Variants in HDAC1 observed in about 807,000 individuals in gnomAD.
HDAC1 encodes the protein histone deacetylase 1, also known as protein deacetylase HDAC1.
Under a neutral mutation model 65.5 loss-of-function variants are expected in HDAC1, and 18 were observed. The observed-to-expected ratio is 0.27, with a 90% CI of 0.19 to 0.41. HDAC1 has a LOEUF of 0.41. Among genes scored for constraint, HDAC1 ranks in the 10% least tolerant of loss-of-function variants. The pLI, the probability that HDAC1 is intolerant of heterozygous loss-of-function variation, is 1.00. For missense variants in HDAC1, 373 were observed against 625.2 expected (o/e 0.60, Z 4.30); for synonymous variants, 211 against 227.9 (o/e 0.93, Z 0.67).
At chr1:32,313,757 G>A (rs1235746997) in intron 2 of HDAC1, among the ~76,000 whole-genome samples, 4 of 152,066 alleles carry the variant, frequency 2.6e-5, no homozygotes, top group Non-Finnish European at 5.9e-5. Flanking sequence ...TTTTCTCCGG[G>A]TACTCCATTT....
At chr1:32,292,794 G>T (rs924489085) in intron 1 of HDAC1, among the ~76,000 whole-genome samples, 1 of 151,982 alleles carries the variant, frequency 6.6e-6, no homozygotes, top group Non-Finnish European at 1.5e-5. Flanking sequence ...GTGTTGAGGG[G>T]CTGGGGCCGT....
chr1:32,331,958 C>T lies in HDAC1; in HGVS notation c.1220-132C>T, dbSNP rs1489718837. ...GCCTGTAGGAACAGGTTAGGGAGCC[C>T]GAGTTCCTCCCTCTTCTGGTTCCCT... On this transcript the variant is annotated intron_variant, in intron 11 of 13. Coordinates refer to ENST00000373548, the MANE Select transcript of HDAC1 (RefSeq NM_004964.3). The surrounding 1 kb of genome is among the most constrained non-coding windows in gnomAD (Gnocchi z 4.2). 1.2e-5 allele frequency: 17 copies of T among 1,380,368 alleles called. No individual in the cohort carries two copies. Among genetic ancestry groups the T allele is most frequent in the South Asian group, 2.9e-5 (2 of 68,326 alleles). 85.5% of individuals were successfully genotyped at this position (1,380,368 alleles called of 1,614,324 possible).
At chr1:32,321,844 G>A (rs991367471) in intron 3 of HDAC1, among the ~76,000 whole-genome samples, 1 of 152,106 alleles carries the variant, frequency 6.6e-6, no homozygotes, top group African/African-American at 2.4e-5. Context: ...CTGTGCAGGA[G>A]GAAGTGGCCA....
At position 32,329,121 on chromosome 1, in the gene HDAC1, C is replaced by T. The variant is rs147525948; in HGVS notation, c.690C>T (p.Asp230=). The change falls in exon 7 of 14, where the codon GAC becomes GAT. Residue 230 remains aspartate (D), a synonymous_variant. Coordinates refer to ENST00000373548, the MANE Select transcript of HDAC1 (RefSeq NM_004964.3). This position sits in a 1 kb window ranked among gnomAD's most constrained non-coding sequence, Gnocchi z 4.1. ...KYYAVNYPLR[D]GIDDESYEAI... ...ATGCTGTTAACTACCCGCTCCGAGA[C>T]GGGATTGATGACGAGTCCTATGAGG... 1.6e-5 allele frequency: 25 copies of T among 1,612,906 alleles called. No homozygotes were observed. Among genetic ancestry groups the T allele is most frequent in the East Asian group, 6.7e-5 (3 of 44,860 alleles).
At position 32,327,781 on chromosome 1, in the gene HDAC1, A is replaced by G. The variant is rs1641239898; in HGVS notation, c.636+104A>G. Reference sequence around the variant, plus strand: ...AAATTGCTTCTTGCCTCTTCTGCCAATCAGAATACCACATCCCAATCTGAA... The same window carrying G: ...AAATTGCTTCTTGCCTCTTCTGCCAGTCAGAATACCACATCCCAATCTGAA... On this transcript the variant is annotated intron_variant, in intron 6 of 13. Transcript: ENST00000373548. This position sits in a 1 kb window ranked among gnomAD's most constrained non-coding sequence, Gnocchi z 6.0. 3.2e-6 allele frequency: 3 copies of G among 928,114 alleles called. No homozygotes were observed. The highest frequency in any genetic ancestry group is 1.6e-5 in the African/African-American group (1 of 61,464). 57.5% of individuals were successfully genotyped at this position (928,114 alleles called of 1,614,324 possible).
At chr1:32,332,641 G>A in intron 12 of HDAC1, 60 bp from the exon 13 acceptor site, 1 of 1,249,594 alleles carries the variant, frequency 8.0e-7, no homozygotes, top group South Asian at 1.3e-5. Context: ...GGTAAATGAA[G>A]ACCTCATGGG....
rs1199782702 is a variant in HDAC1, at chr1:32,332,752, G to A, written c.1421+3G>A. Reference sequence around the variant, plus strand: ...GAGGAGAAGCCAGAAGCCAAAGGGTGAGGAAGGAGCTGCCTGTGGCCATCT... The same window carrying A: ...GAGGAGAAGCCAGAAGCCAAAGGGTAAGGAAGGAGCTGCCTGTGGCCATCT... On this transcript the variant is annotated splice_donor_region_variant and intron_variant, in intron 13 of 13. Coordinates refer to ENST00000373548, the MANE Select transcript of HDAC1 (RefSeq NM_004964.3). 7.1e-6 allele frequency: 11 copies of A among 1,553,860 alleles called. No homozygotes were observed. The highest frequency in any genetic ancestry group is 8.7e-6 in the Non-Finnish European group (10 of 1,147,882).
intron 3 of HDAC1, among the ~76,000 whole-genome samples, chr1:32,317,249 A>C (rs1641077536): frequency 1.3e-5 from 2 of 152,180 alleles, no homozygotes; most frequent in Non-Finnish European, 2.9e-5. Context: ...TAGATGGTGT[A>C]ATCTTTGAGA....
chr1:32,295,746 G>T (rs1640760162), intron 1 of HDAC1, among the ~76,000 whole-genome samples: 1 of 152,084 alleles, frequency 6.6e-6, no homozygotes, highest in South Asian at 2.1e-4. Context: ...ATAACAATCA[G>T]CATATGGATA....
intron 3 of HDAC1, among the ~76,000 whole-genome samples, chr1:32,320,786 G>A (rs908328205): frequency 6.6e-6 from 1 of 150,696 alleles, no homozygotes; most frequent in African/African-American, 2.4e-5. Context: ...TGTAATCCCA[G>A]CTACTCGGGA....
At chr1:32,323,667 G>T (rs1641178639) in intron 3 of HDAC1, among the ~76,000 whole-genome samples, 1 of 152,100 alleles carries the variant, frequency 6.6e-6, no homozygotes, top group African/African-American at 2.4e-5. Flanking sequence ...CGAAGTGCTG[G>T]GATTACAGGT....
rs888364286 is a variant in HDAC1 at position 32,327,942 on chromosome 1, T to A, written c.636+265T>A. ...CCACAGCTGGGTTGCATCACACTAT[T>A]CTTATGTCTCATAAGCCTTGAGTTT... On this transcript the variant is annotated intron_variant, in intron 6 of 13. Coordinates refer to ENST00000373548, the MANE Select transcript of HDAC1 (RefSeq NM_004964.3). This position sits in a 1 kb window ranked among gnomAD's most constrained non-coding sequence, Gnocchi z 6.0. Among the ~76,000 whole-genome samples, 1 of 152,188 alleles carries A rather than the reference T, an allele frequency of 6.6e-6. No homozygotes were observed. The highest frequency in any genetic ancestry group is 1.5e-5 in the Non-Finnish European group (1 of 68,036).
At position 32,327,331 on chromosome 1, in the gene HDAC1, AG is replaced by A; in HGVS notation, c.495-204del. 1 of 620,226 alleles carries A rather than the reference AG, an allele frequency of 1.6e-6. No homozygotes were observed. The highest frequency in any genetic ancestry group is 2.8e-6 in the Non-Finnish European group (1 of 352,524). The allele number at this position is 620,226 out of a possible 1,614,324, so 38.4% of individuals were successfully genotyped here. A position where few individuals can be genotyped will look rare whatever the true frequency, so the allele number is the denominator to read the frequency against. On this transcript the variant is annotated intron_variant, in intron 5 of 13. Coordinates refer to ENST00000373548, the MANE Select transcript of HDAC1 (RefSeq NM_004964.3). The surrounding 1 kb of genome is among the most constrained non-coding windows in gnomAD (Gnocchi z 6.0). ...TGTGGCTGGAGTTGACCCTGGCTGT[AG>A]AGTAGGAAGATCGGACTTGGTCGGC...
intron 3 of HDAC1, 32 bp from the exon 4 acceptor site, chr1:32,324,447 T>G (rs775029252): frequency 6.7e-7 from 1 of 1,484,428 alleles, no homozygotes; most frequent in Admixed American, 1.7e-5. Context: ...AAGGAAATTG[T>G]GGAAACTAAC....
intron 2 of HDAC1, among the ~76,000 whole-genome samples, chr1:32,306,707 G>A (rs1328154884): frequency 6.6e-6 from 1 of 152,042 alleles, no homozygotes; most frequent in Non-Finnish European, 1.5e-5. Context: ...TGTTTCCTGT[G>A]TATTTTGTGA....
In HDAC1 at chr1:32,329,581, A is replaced by T. The variant is rs1226260574; in HGVS notation, c.729+421A>T. ...TTGATGTCTGCACATTAGAAGAAGT[A>T]GGGACTTACTCCAGTCTTTGCAGAC... On this transcript the variant is annotated intron_variant, in intron 7 of 13. Coordinates refer to ENST00000373548, the MANE Select transcript of HDAC1 (RefSeq NM_004964.3). The surrounding 1 kb of genome is among the most constrained non-coding windows in gnomAD (Gnocchi z 4.1). 4.7e-6 allele frequency: 1 copy of T among 212,604 alleles called. No homozygotes were observed. The highest frequency in any genetic ancestry group is 9.7e-6 in the Non-Finnish European group (1 of 103,616). 13.2% of individuals were successfully genotyped at this position (212,604 alleles called of 1,614,324 possible).
intron 1 of HDAC1, among the ~76,000 whole-genome samples, chr1:32,295,966 G>C (rs899489767): frequency 5.3e-5 from 8 of 152,064 alleles, no homozygotes; most frequent in Non-Finnish European, 8.8e-5. Context: ...GAATTCCAGG[G>C]TGGAATTCTA....
At chr1:32,314,250 G>A (rs1641028424) in intron 2 of HDAC1, among the ~76,000 whole-genome samples, 1 of 152,104 alleles carries the variant, frequency 6.6e-6, no homozygotes, top group Non-Finnish European at 1.5e-5. Context: ...GTAGTGCAGT[G>A]GCAAGATCAC....
At chr1:32,292,365 G>A in intron 1 of HDAC1, 147 bp downstream of exon 1, 1 of 1,492,130 alleles carries the variant, frequency 6.7e-7, no homozygotes, top group Non-Finnish European at 8.9e-7. Context: ...GGAAGTCGAG[G>A]CTGAGGGAGG....
Sources: gnomAD v4.1 joint callset for allele counts (sites outside exome capture counted in the v4.1 genomes callset) on GRCh38, gnomAD v4.1.1 for gene constraint, Gnocchi (gnomAD v3.1) non-coding constraint, MANE v1.5 for transcripts, NCBI Gene and HGNC (gene_info 2026-07-23, HGNC 2026-07-21) for gene names.